The following UXS1 variants were observed in gnomAD, a reference collection of about 807,000 sequenced individuals.
UXS1 encodes UDP-glucuronate decarboxylase 1.
In UXS1, 33 loss-of-function variants were observed where a neutral mutation model predicts 62.6. That is an observed-to-expected ratio of 0.53 (90% CI 0.40 to 0.70). UXS1 has a LOEUF of 0.70. Among genes scored for constraint, UXS1 ranks in the 30% least tolerant of loss-of-function variants. The pLI, the probability that UXS1 is intolerant of heterozygous loss-of-function variation, is 0.00. For synonymous variants in UXS1, 213 were observed against 206.8 expected (o/e 1.03, Z -0.26); for missense variants, 434 against 556.3 (o/e 0.78, Z 2.21).
chr2:106,097,979 G>A (rs951285507), intron 13 of UXS1, among the ~76,000 whole-genome samples: 6 of 152,252 alleles, frequency 3.9e-5, no homozygotes, highest in Non-Finnish European at 5.9e-5. Flanking sequence ...CTGATGCCAG[G>A]AAGGGCACAC....
At chr2:106,136,965 C>CAAAAAAAAAAAAAAAAAAAAAAAAA (rs397701050) in intron 6 of UXS1, among the ~76,000 whole-genome samples, 1 of 54,160 alleles carries the variant, frequency 1.8e-5, no homozygotes, top group Non-Finnish European at 3.5e-5. Flanking sequence ...AGAACACACA[C>CAAAAAAAAAAAAAAAAAAAAAAAAA]AAAAAAAAAA....
At chr2:106,139,553 A>G (rs1680931892) in intron 6 of UXS1, among the ~76,000 whole-genome samples, 1 of 152,204 alleles carries the variant, frequency 6.6e-6, no homozygotes, top group South Asian at 2.1e-4. Flanking sequence ...AAATCACCAT[A>G]GGAGGAGAAC....
intron 8 of UXS1, 28 bp from the exon 9 acceptor site, chr2:106,123,119 T>C: frequency 6.2e-7 from 1 of 1,612,770 alleles, no homozygotes; most frequent in Non-Finnish European, 8.5e-7. Context: ...TGAGACTGTT[T>C]TCATCTTTCC....
intron 1 of UXS1, among the ~76,000 whole-genome samples, chr2:106,184,709 C>A (rs1018479368): frequency 6.6e-5 from 10 of 152,172 alleles, no homozygotes; most frequent in Non-Finnish European, 2.9e-5. Context: ...CTCCCAAATA[C>A]CCCACCTCTT....
intron 9 of UXS1, among the ~76,000 whole-genome samples, chr2:106,113,732 G>C (rs974416830): frequency 2.6e-5 from 4 of 152,214 alleles, no homozygotes; most frequent in Admixed American, 1.3e-4. Flanking sequence ...TGAGGGCAGG[G>C]AGCCTGGGGC....
intron 1 of UXS1, among the ~76,000 whole-genome samples, chr2:106,174,864 C>T (rs1683782509): frequency 6.6e-6 from 1 of 152,228 alleles, no homozygotes; most frequent in Admixed American, 6.5e-5. Flanking sequence ...GCCCACCCAT[C>T]CCTGGGCCAC....
intron 1 of UXS1, among the ~76,000 whole-genome samples, chr2:106,174,350 G>T (rs187130308): frequency 2.6e-4 from 39 of 152,356 alleles, no homozygotes; most frequent in African/African-American, 8.9e-4. Context: ...GGAAGCAGCG[G>T]TGTGAGAGAC....
intron 1 of UXS1, among the ~76,000 whole-genome samples, chr2:106,181,724 T>A (rs1009745513): frequency 3.3e-5 from 5 of 151,900 alleles, no homozygotes; most frequent in African/African-American, 7.3e-5. Flanking sequence ...TCAAAAAAAA[T>A]AAATAAATTT....
intron 9 of UXS1, among the ~76,000 whole-genome samples, chr2:106,114,079 G>A (rs1678863272): frequency 6.6e-6 from 1 of 152,178 alleles, no homozygotes; most frequent in Admixed American, 6.5e-5. Flanking sequence ...CATGAACCAC[G>A]AGCCCCAGAG....
chr2:106,177,200 CT>C (rs5833174), intron 1 of UXS1, among the ~76,000 whole-genome samples: 2,193 of 134,628 alleles, frequency 0.016, 38 homozygotes, highest in African/African-American at 0.053. Flanking sequence ...TTTCTTTTTT[CT>C]TTTTTTTTTT....
At chr2:106,105,357 G>A (rs1483354322) in intron 10 of UXS1, among the ~76,000 whole-genome samples, 1 of 151,750 alleles carries the variant, frequency 6.6e-6, no homozygotes, top group African/African-American at 2.4e-5. Context: ...CCAAGGTGGA[G>A]AGGCATGCAG....
chr2:106,143,408 C>CAAAAA lies in UXS1; in HGVS notation c.472+1777_472+1781dup, dbSNP rs60493984. On this transcript the variant is annotated intron_variant, in intron 6 of 14. Coordinates refer to ENST00000283148, the MANE Select transcript of UXS1 (RefSeq NM_001253875.2). ...TGGGCAACAGAGAGAGACTCCGTCT[C>CAAAAA]AAAAAAAAAAAAAAAAAAAAAAAAA... Among the ~76,000 whole-genome samples, 111 of 38,646 alleles carry CAAAAA rather than the reference C, an allele frequency of 2.9e-3. 18 individuals carry two copies. The highest frequency in any genetic ancestry group is 7.7e-3 in the African/African-American group (65 of 8,424). The allele number at this position is 38,646 out of a possible 152,430, so 25.4% of individuals were successfully genotyped here. A position where few individuals can be genotyped will look rare whatever the true frequency, so the allele number is the denominator to read the frequency against.
intron 1 of UXS1, among the ~76,000 whole-genome samples, chr2:106,174,937 C>T (rs1683788080): frequency 6.6e-6 from 1 of 152,220 alleles, no homozygotes; most frequent in Admixed American, 6.5e-5. Context: ...CAGATTCCTT[C>T]CCATCTGCAT....
chr2:106,109,746 C>T (rs917116243), intron 10 of UXS1, among the ~76,000 whole-genome samples: 13 of 152,214 alleles, frequency 8.5e-5, no homozygotes, highest in Non-Finnish European at 5.9e-5. Context: ...TCATCACAGG[C>T]ATCTGGTACA....
At chr2:106,118,705 A>G (rs557392178) in intron 9 of UXS1, among the ~76,000 whole-genome samples, 2 of 152,318 alleles carry the variant, frequency 1.3e-5, no homozygotes, top group Non-Finnish European at 2.9e-5. Context: ...GTAAAATTCT[A>G]TTTTGACTAC....
intron 5 of UXS1, among the ~76,000 whole-genome samples, chr2:106,149,006 T>C (rs559179869): frequency 4.6e-5 from 7 of 152,234 alleles, no homozygotes; most frequent in Non-Finnish European, 1.0e-4. Flanking sequence ...GTCAAACTCA[T>C]GATGCTTAGC....
chr2:106,097,551 G>A (rs776551025), intron 13 of UXS1: 11 of 250,308 alleles, frequency 4.4e-5, no homozygotes, highest in Non-Finnish European at 8.2e-5. Context: ...GAAGCTGCAC[G>A]CCCCTCCCCC....
chr2:106,176,765 C>A (rs1469646834), intron 1 of UXS1, among the ~76,000 whole-genome samples: 1 of 152,228 alleles, frequency 6.6e-6, no homozygotes, highest in Non-Finnish European at 1.5e-5. Context: ...GCTCTAGCAA[C>A]CGGCATGCTC....
chr2:106,118,450 T>A (rs902754731), intron 9 of UXS1, among the ~76,000 whole-genome samples: 1 of 152,100 alleles, frequency 6.6e-6, no homozygotes, highest in African/African-American at 2.4e-5. Flanking sequence ...GTCAGACTCA[T>A]GAGGGGGCGA....
Sources: gnomAD v4.1 joint callset for allele counts (sites outside exome capture counted in the v4.1 genomes callset) on GRCh38, gnomAD v4.1.1 for gene constraint, MANE v1.5 for transcripts, NCBI Gene and HGNC (gene_info 2026-07-23, HGNC 2026-07-21) for gene names.